Variants in SYNJ2 observed in about 807,000 individuals in gnomAD.
SYNJ2 encodes the protein synaptojanin 2, also known as polyphosphatidylinositol phosphatase SYNJ2.
Under a neutral mutation model 141.3 loss-of-function variants are expected in SYNJ2, and 116 were observed. The ratio of observed to expected loss-of-function variants is 0.82; its 90% CI spans 0.71 to 0.96. SYNJ2 has a LOEUF of 0.96. Ranked by LOEUF, SYNJ2 falls within the 40% of genes least tolerant of loss-of-function variation. The pLI is 0.00. For missense variants in SYNJ2, 1,873 were observed against 1,934.8 expected (o/e 0.97, Z 0.60); for synonymous variants, 745 against 777.7 (o/e 0.96, Z 0.70).
At chr6:158,011,366 C>T (rs369227923) in intron 1 of SYNJ2, among the ~76,000 whole-genome samples, 111 of 152,216 alleles carry the variant, frequency 7.3e-4, no homozygotes, top group African/African-American at 2.3e-3. Context: ...TGCCTGGGGC[C>T]TCCCAGTTTG....
At position 157,982,723 on chromosome 6, in the gene SYNJ2, A is replaced by G. The variant is rs903030732; in HGVS notation, c.127+635A>G. Among the ~76,000 whole-genome samples the G allele has an allele frequency of 6.6e-6, 1 of 152,242 alleles. No homozygotes were observed. The stretch of plus-strand genomic sequence containing the variant: ...AAACTGGCATTGTGCTATGGGCTTT[A>G]GTACGTGATCTCACTTAATTCTCAC... On this transcript the variant is annotated intron_variant, in intron 1 of 26. Transcript: ENST00000355585. The surrounding 1 kb of genome is among the most constrained non-coding windows in gnomAD (Gnocchi z 4.0).
At chr6:158,063,728 G>A in intron 8 of SYNJ2, 63 bp from the exon 9 acceptor site, 1 of 1,180,850 alleles carries the variant, frequency 8.5e-7, no homozygotes, top group African/African-American at 1.6e-5. Flanking sequence ...ATGGGCCTCT[G>A]TGCTATGGCC....
At chr6:158,048,172 G>A (rs1251598631) in intron 5 of SYNJ2, among the ~76,000 whole-genome samples, 1 of 152,200 alleles carries the variant, frequency 6.6e-6, no homozygotes, top group Non-Finnish European at 1.5e-5. Flanking sequence ...GGCAGGACAG[G>A]GCAGTGTTGT....
At chr6:158,056,520 G>A (rs181416176) in intron 6 of SYNJ2, among the ~76,000 whole-genome samples, 2 of 152,316 alleles carry the variant, frequency 1.3e-5, no homozygotes, top group East Asian at 3.9e-4. Context: ...TGCAGGTGCT[G>A]CTGCTCTCAT....
intron 12 of SYNJ2, chr6:158,068,096 C>A: frequency 6.5e-6 from 3 of 460,766 alleles, no homozygotes; most frequent in Non-Finnish European, 8.4e-6. Flanking sequence ...GCTGTGGTTA[C>A]TATTGCCAAG....
At position 158,086,941 on chromosome 6, in the gene SYNJ2, C is replaced by T. The variant is rs761657265; in HGVS notation, c.3295C>T (p.Pro1099Ser). ...HRSPSRSLSV[P>S]NRPRPPQPPQ... ...TTCTCCGAGCAGGTCTCTGTCGGTC[C>T]CCAACCGGCCTCGGCCACCTCAACC... The change falls in exon 23 of 27, where the codon CCC becomes TCC. Residue 1099 changes from proline to serine, a missense_variant. Pro to Ser is a moderately conservative substitution (Grantham distance 74). Coordinates refer to ENST00000355585, the MANE Select transcript of SYNJ2 (RefSeq NM_003898.4). 3 of 1,606,038 alleles carry T rather than the reference C, an allele frequency of 1.9e-6. No individual in the cohort carries two copies. In the South Asian group the frequency reaches 3.3e-5, roughly 18 times the overall value.
At position 158,033,643 on chromosome 6, in the gene SYNJ2, A is replaced by G; in HGVS notation, c.674A>G (p.Asp225Gly). The change falls in exon 4 of 27, where the codon GAC becomes GGC. Residue 225 changes from aspartate to glycine, a missense_variant. Asp to Gly is a moderately conservative substitution (Grantham distance 94, BLOSUM62 -1). Transcript: ENST00000355585. The stretch of plus-strand genomic sequence containing the variant: ...CGCTTCCACACCCGTGGCGTGAACG[A>G]CGACGGCCATGTGTCCAACTTCGTG... ...GTRFHTRGVN[D>G]DGHVSNFVET... 1 of 1,612,202 alleles carries G rather than the reference A, an allele frequency of 6.2e-7. No individual in the cohort carries two copies. The highest frequency in any genetic ancestry group is 1.1e-5 in the South Asian group (1 of 91,078).
At chr6:158,012,807 G>C (rs1003834065) in intron 1 of SYNJ2, among the ~76,000 whole-genome samples, 9 of 152,240 alleles carry the variant, frequency 5.9e-5, no homozygotes, top group Admixed American at 6.5e-5. Context: ...TAATATCCCA[G>C]GCACTTCATA....
chr6:158,091,136 T>G (rs1226630896), intron 25 of SYNJ2, among the ~76,000 whole-genome samples: 1 of 150,338 alleles, frequency 6.7e-6, no homozygotes, highest in Non-Finnish European at 1.5e-5. Context: ...GCTAACACGG[T>G]GAAACCCCGT....
intron 4 of SYNJ2, among the ~76,000 whole-genome samples, chr6:158,041,354 A>G (rs975923428): frequency 2.6e-5 from 4 of 152,232 alleles, no homozygotes; most frequent in African/African-American, 9.6e-5. Context: ...TTCCACTGGT[A>G]TTAAAAGTTG....
Position 158,018,210 on chromosome 6 carries a change from G to A in SYNJ2, c.214+920G>A, listed in dbSNP as rs565994428. On this transcript the variant is annotated intron_variant, in intron 2 of 26. Transcript: ENST00000355585. ...GGTGAGCCGGTGGTGGCCGGCTGTC[G>A]TGGGTGGTCACAGCCAAACTCAGCT... 1.8e-4 allele frequency among the ~76,000 whole-genome samples: 28 copies of A among 152,220 alleles called. No individual in the cohort carries two copies. The South Asian group carries it at 4.6e-3, about 25-fold the overall frequency.
intron 7 of SYNJ2, among the ~76,000 whole-genome samples, chr6:158,061,093 A>C (rs546837565): frequency 1.3e-5 from 2 of 152,350 alleles, no homozygotes; most frequent in Admixed American, 1.3e-4. Flanking sequence ...TTGCTTGATG[A>C]TGGCAGCACT....
chr6:157,989,079 G>A (rs948974624), intron 1 of SYNJ2, among the ~76,000 whole-genome samples: 1 of 152,144 alleles, frequency 6.6e-6, no homozygotes, highest in African/African-American at 2.4e-5. Flanking sequence ...TATTCTACAT[G>A]CAGAAGTTTA....
intron 1 of SYNJ2, among the ~76,000 whole-genome samples, chr6:158,016,758 T>C (rs1562325667): frequency 6.6e-6 from 1 of 152,186 alleles, no homozygotes; most frequent in Non-Finnish European, 1.5e-5. Context: ...ACCCAGGCCC[T>C]GGGCACTCAG....
intron 18 of SYNJ2, among the ~76,000 whole-genome samples, chr6:158,080,101 T>A (rs1411561202): frequency 6.6e-6 from 1 of 152,228 alleles, no homozygotes; most frequent in Non-Finnish European, 1.5e-5. Context: ...TTTTCCTGTT[T>A]ACATCATTGA....
At chr6:158,046,596 G>A (rs1415996360) in intron 5 of SYNJ2, among the ~76,000 whole-genome samples, 2 of 152,180 alleles carry the variant, frequency 1.3e-5, no homozygotes, top group Non-Finnish European at 2.9e-5. Flanking sequence ...GCTGCCGTTG[G>A]AAACCCAGGA....
chr6:158,088,517 C>T, intron 23 of SYNJ2, 143 bp from the exon 24 acceptor site: 1 of 637,382 alleles, frequency 1.6e-6, no homozygotes, highest in Non-Finnish European at 2.8e-6. Context: ...TCTGTGGGTG[C>T]CCTAAGTGCC....
At chr6:157,981,758 G>A, upstream of SYNJ2, 2 of 385,104 alleles carry the variant, frequency 5.2e-6, no homozygotes, top group Non-Finnish European at 8.6e-6. The surrounding 1 kb of genome is among the most constrained non-coding windows in gnomAD (Gnocchi z 6.4). Flanking sequence ...GGGAGGCGGC[G>A]GCGCGCCCTC....
At chr6:157,987,813 G>T (rs1421006524) in intron 1 of SYNJ2, among the ~76,000 whole-genome samples, 1 of 152,272 alleles carries the variant, frequency 6.6e-6, no homozygotes, top group South Asian at 2.1e-4. Context: ...TTACTTGGCA[G>T]ATTTCGTGTG....
Sources: allele counts gnomAD v4.1 joint callset (sites outside exome capture counted in the v4.1 genomes callset), GRCh38; gene constraint gnomAD v4.1.1; non-coding constraint Gnocchi (gnomAD v3.1); transcripts MANE v1.5; gene names NCBI Gene and HGNC (gene_info 2026-07-23, HGNC 2026-07-21).